Variants in XRN2 observed in about 807,000 individuals in gnomAD.
XRN2 encodes the protein 5'-3' exoribonuclease 2, also known as DHM1-like protein.
Under a neutral mutation model 138.5 loss-of-function variants are expected in XRN2, and 44 were observed. The ratio of observed to expected loss-of-function variants is 0.32; its 90% CI spans 0.25 to 0.41. The LOEUF is 0.41. XRN2 is among the 10% of genes least tolerant of loss of function. The pLI is 1.00. For synonymous variants in XRN2, 354 were observed against 369.4 expected (o/e 0.96, Z 0.48); for missense variants, 937 against 1,169.3 (o/e 0.80, Z 2.90).
intron 13 of XRN2, among the ~76,000 whole-genome samples, chr20:21,337,114 T>C (rs2038305588): frequency 6.6e-6 from 1 of 152,190 alleles, no homozygotes; most frequent in African/African-American, 2.4e-5. Flanking sequence ...TCATTGTGCA[T>C]CAGTGTAAGG....
At position 21,386,934 on chromosome 20, in the gene XRN2, G is replaced by T; in HGVS notation, c.2715G>T (p.Gln905His). 1 of 1,614,058 alleles carries T rather than the reference G, an allele frequency of 6.2e-7. No homozygotes were observed. The highest frequency in any genetic ancestry group is 8.5e-7 in the Non-Finnish European group (1 of 1,179,916). ...RMLQTQNAAF[Q>H]PNQYQMLAGP... ...TGCAAACCCAGAATGCAGCCTTCCA[G>T]CCAAACCAGTACCAGATGCTAGCTG... The change falls in exon 29 of 30, where the codon CAG becomes CAT. Residue 905 changes from glutamine (Q) to histidine (H), a missense_variant. Coordinates refer to ENST00000377191, the MANE Select transcript of XRN2 (RefSeq NM_012255.5).
intron 24 of XRN2, among the ~76,000 whole-genome samples, chr20:21,361,162 C>T (rs1419863914): frequency 6.6e-6 from 1 of 152,174 alleles, no homozygotes; most frequent in Non-Finnish European, 1.5e-5. Flanking sequence ...TGAGACTTTG[C>T]TACAGTATTT....
At chr20:21,387,212 A>G (rs967870524) in intron 29 of XRN2, among the ~76,000 whole-genome samples, 22 of 152,192 alleles carry the variant, frequency 1.4e-4, no homozygotes, top group African/African-American at 5.3e-4. Flanking sequence ...GAAGATGCCA[A>G]AGAATTTCTA....
chr20:21,305,351 T>G (rs2037801269), intron 1 of XRN2, among the ~76,000 whole-genome samples: 1 of 152,144 alleles, frequency 6.6e-6, no homozygotes. Flanking sequence ...TCTGGCCTCC[T>G]GGGTTCAAGC....
intron 13 of XRN2, among the ~76,000 whole-genome samples, chr20:21,337,801 G>A (rs896915886): frequency 3.9e-5 from 6 of 152,200 alleles, no homozygotes; most frequent in African/African-American, 1.4e-4. Flanking sequence ...AAGACACATA[G>A]CAAGAGGGAA....
chr20:21,346,630 T>C, intron 17 of XRN2, 80 bp downstream of exon 17: 1 of 1,550,942 alleles, frequency 6.4e-7, no homozygotes, highest in African/African-American at 1.4e-5. Flanking sequence ...TGTTTGTTTT[T>C]TGTTTTTGAG....
chr20:21,368,959 T>C (rs2038733024), intron 27 of XRN2, among the ~76,000 whole-genome samples: 1 of 152,196 alleles, frequency 6.6e-6, no homozygotes, highest in African/African-American at 2.4e-5. Flanking sequence ...AATTAAATTA[T>C]TGACTATGGT....
At chr20:21,356,289 T>A in intron 22 of XRN2, 112 bp downstream of exon 22, 1 of 810,644 alleles carries the variant, frequency 1.2e-6, no homozygotes, top group Non-Finnish European at 1.9e-6. Flanking sequence ...TCTGTGGCAT[T>A]AAGTATATTT....
At chr20:21,357,706 A>G (rs769515754) in intron 23 of XRN2, 30 bp from the exon 24 acceptor site, 6 of 1,557,286 alleles carry the variant, frequency 3.9e-6, no homozygotes, top group Non-Finnish European at 5.2e-6. Context: ...CAGTTTACAG[A>G]GAGATGTTTC....
At chr20:21,309,439 G>T (rs1410258882) in intron 1 of XRN2, among the ~76,000 whole-genome samples, 1 of 152,128 alleles carries the variant, frequency 6.6e-6, no homozygotes. Flanking sequence ...AGTCAAGCTT[G>T]TCCAACCTGT....
intron 27 of XRN2, among the ~76,000 whole-genome samples, chr20:21,372,122 G>T (rs553769150): frequency 3.3e-5 from 5 of 152,272 alleles, no homozygotes; most frequent in Admixed American, 2.0e-4. Context: ...GTAAAGTAGG[G>T]ATTGATTTAG....
intron 17 of XRN2, among the ~76,000 whole-genome samples, chr20:21,346,763 A>G (rs1373074779): frequency 6.6e-6 from 1 of 151,762 alleles, no homozygotes; most frequent in African/African-American, 2.4e-5. Context: ...AGGATTACAG[A>G]GCGCACCACC....
At chr20:21,327,907 G>A (rs956740121) in intron 3 of XRN2, among the ~76,000 whole-genome samples, 3 of 152,098 alleles carry the variant, frequency 2.0e-5, no homozygotes, top group African/African-American at 4.8e-5. Context: ...TTACAATCTA[G>A]TTCACTTTAT....
In XRN2 at chr20:21,348,206, G is replaced by C. The variant is rs1195910965; in HGVS notation, c.1726G>C (p.Glu576Gln). 4 of 1,613,952 alleles carry C rather than the reference G, an allele frequency of 2.5e-6. No homozygotes were observed. The African/African-American group carries it at 4.0e-5, about 16-fold the overall frequency. The change falls in exon 18 of 30, where the codon GAA becomes CAA. Residue 576 changes from glutamate (E) to glutamine (Q), a missense_variant. By Grantham distance (29) the Glu-to-Gln change is conservative. This residue lies in a region of XRN2 where 471 missense variants were observed against 581.2 expected (regional missense o/e 0.81). Transcript: ENST00000377191. ...FHYAPFASDF[E>Q]GIADMPSDFE... is the part of the protein sequence containing the mutation. ...TTATGCACCATTTGCTTCAGACTTTGAAGGCATTGCAGACATGCCATCTGA... is the reference window on the plus strand; with the variant it reads ...TTATGCACCATTTGCTTCAGACTTTCAAGGCATTGCAGACATGCCATCTGA...
chr20:21,389,199 A>G lies in XRN2; in HGVS notation c.2788-74A>G, dbSNP rs555922237. ...CAGTTTCCTTATGATGTGTTTTTCCATAGAGGTTTAAAGTTAACTGACTTG... is the reference window on the plus strand; with the variant it reads ...CAGTTTCCTTATGATGTGTTTTTCCGTAGAGGTTTAAAGTTAACTGACTTG... On this transcript the variant is annotated intron_variant, in intron 29 of 29. Coordinates refer to ENST00000377191, the MANE Select transcript of XRN2 (RefSeq NM_012255.5). 4.4e-6 allele frequency: 6 copies of G among 1,355,942 alleles called. No homozygotes were observed. The East Asian group carries it at 7.3e-5, about 16-fold the overall frequency. The allele number at this position is 1,355,942 out of a possible 1,614,324, so 84.0% of individuals were successfully genotyped here.
At chr20:21,340,932 T>G in intron 15 of XRN2, 80 bp downstream of exon 15, 2 of 1,516,312 alleles carry the variant, frequency 1.3e-6, no homozygotes, top group East Asian at 4.5e-5. Flanking sequence ...TGTGTGAAAT[T>G]TATCACAGCC....
intron 27 of XRN2, among the ~76,000 whole-genome samples, chr20:21,374,406 G>A (rs1240644927): frequency 6.6e-6 from 1 of 152,024 alleles, no homozygotes; most frequent in African/African-American, 2.4e-5. Flanking sequence ...AGTTTTAAGG[G>A]GGAGACTTTT....
chr20:21,304,162 T>G (rs922565469), intron 1 of XRN2, among the ~76,000 whole-genome samples: 1 of 152,334 alleles, frequency 6.6e-6, no homozygotes, highest in East Asian at 1.9e-4. Context: ...TGTTGTTAGT[T>G]AATACGTAAG....
Position 21,326,281 on chromosome 20 carries a change from A to G in XRN2, c.78A>G (p.Pro26=), listed in dbSNP as rs752508946. ...SIIVNCVEEK[P]KECNGVKIPV... is the part of the protein sequence containing the mutation. ...TATTAATTATCACTTCCTCATAGCC[A>G]AAAGAATGCAATGGTGTAAAGATTC... The change falls in exon 2 of 30, where the codon CCA becomes CCG. Residue 26 remains proline (P), a splice_region_variant and synonymous_variant. Transcript: ENST00000377191. The G allele has an allele frequency of 1.7e-5, 28 of 1,612,976 alleles. No individual in the cohort carries two copies. The highest frequency in any genetic ancestry group is 2.2e-5 in the East Asian group (1 of 44,786).
Sources: allele counts gnomAD v4.1 joint callset (sites outside exome capture counted in the v4.1 genomes callset), GRCh38; gene constraint gnomAD v4.1.1; regional missense constraint gnomAD v4.1.1; transcripts MANE v1.5; gene names NCBI Gene and HGNC (gene_info 2026-07-23, HGNC 2026-07-21).